ANGPT1: variants seen among roughly 807,000 people sequenced by gnomAD.
ANGPT1 encodes angiopoietin-1.
In ANGPT1, 17 loss-of-function variants were observed where a neutral mutation model predicts 62.2. The ratio of observed to expected loss-of-function variants is 0.27; its 90% CI spans 0.19 to 0.41. The LOEUF is 0.41. Ranked by LOEUF, ANGPT1 falls within the 10% of genes least tolerant of loss-of-function variation. The pLI, the probability that ANGPT1 is intolerant of heterozygous loss-of-function variation, is 1.00. For synonymous variants in ANGPT1, 199 were observed against 198.9 expected, an observed-to-expected ratio of 1.00 and a Z score of 0.00; for missense variants, 478 against 594.9, an observed-to-expected ratio of 0.80 and a Z score of 2.04.
At chr8:107,497,209 G>A in intron 1 of ANGPT1, 53 bp downstream of exon 1, 1 of 1,573,720 alleles carries the variant, frequency 6.4e-7, no homozygotes, top group South Asian at 1.2e-5. Context: ...GTTAGCTGCA[G>A]TGCAAGAAAG....
chr8:107,289,016 T>G (rs1052025659), intron 6 of ANGPT1, among the ~76,000 whole-genome samples: 4 of 152,144 alleles, frequency 2.6e-5, no homozygotes, highest in Non-Finnish European at 5.9e-5. Context: ...TACAATACAA[T>G]TTCCTCTTTT....
chr8:107,343,292 G>A (rs1815735447), intron 2 of ANGPT1, among the ~76,000 whole-genome samples: 1 of 152,188 alleles, frequency 6.6e-6, no homozygotes, highest in African/African-American at 2.4e-5. Flanking sequence ...AGGAGGTTTG[G>A]AGAGGCTTCA....
intron 1 of ANGPT1, among the ~76,000 whole-genome samples, chr8:107,475,477 A>G (rs1247122879): frequency 6.6e-6 from 1 of 152,212 alleles, no homozygotes; most frequent in East Asian, 1.9e-4. Context: ...TAAAACCATA[A>G]AAACCCTAGA....
chr8:107,369,542 C>T (rs1816339088), intron 1 of ANGPT1, among the ~76,000 whole-genome samples: 1 of 152,216 alleles, frequency 6.6e-6, no homozygotes, highest in African/African-American at 2.4e-5. Context: ...AGCTCTCAGC[C>T]TGTCTTGGTT....
chr8:107,394,484 G>A (rs1816896536), intron 1 of ANGPT1, among the ~76,000 whole-genome samples: 1 of 152,108 alleles, frequency 6.6e-6, no homozygotes, highest in South Asian at 2.1e-4. Flanking sequence ...CAGATTTAAT[G>A]TTATCAGAGT....
intron 1 of ANGPT1, chr8:107,495,018 C>G (rs189416973): frequency 2.0e-5 from 3 of 152,074 alleles, no homozygotes; most frequent in African/African-American, 7.2e-5. Flanking sequence ...CTGAGCATAC[C>G]AAATGGTTAC....
chr8:107,401,419 A>G (rs1817046348), intron 1 of ANGPT1, among the ~76,000 whole-genome samples: 1 of 152,226 alleles, frequency 6.6e-6, no homozygotes, highest in Non-Finnish European at 1.5e-5. Flanking sequence ...TGAGTTAATC[A>G]AAGAACCACT....
intron 1 of ANGPT1, among the ~76,000 whole-genome samples, chr8:107,449,203 T>C (rs1288726148): frequency 1.3e-5 from 2 of 152,150 alleles, no homozygotes; most frequent in African/African-American, 4.8e-5. Flanking sequence ...TTGTTCTTGA[T>C]GCTGTAATAG....
intron 7 of ANGPT1, chr8:107,284,024 T>C (rs1312816174): frequency 1.3e-5 from 2 of 152,190 alleles, no homozygotes; most frequent in Non-Finnish European, 1.5e-5. Context: ...TTTTTGTGTG[T>C]TTATTTTTCC....
chr8:107,421,616 G>A (rs1464542942), intron 1 of ANGPT1, among the ~76,000 whole-genome samples: 1 of 152,182 alleles, frequency 6.6e-6, no homozygotes, highest in Non-Finnish European at 1.5e-5. Flanking sequence ...GGTAAGGTTA[G>A]CATCTGTCAA....
intron 3 of ANGPT1, among the ~76,000 whole-genome samples, chr8:107,333,477 A>G (rs1815473150): frequency 6.6e-6 from 1 of 152,204 alleles, no homozygotes; most frequent in Non-Finnish European, 1.5e-5. Context: ...ATTTGTAGTG[A>G]AATACCTATA....
chr8:107,484,451 G>T (rs753469451), intron 1 of ANGPT1, among the ~76,000 whole-genome samples: 1 of 151,982 alleles, frequency 6.6e-6, no homozygotes, highest in Non-Finnish European at 1.5e-5. Context: ...ACCCAGACTG[G>T]AGTGCAGTGC....
At chr8:107,384,813 G>A (rs969546364) in intron 1 of ANGPT1, among the ~76,000 whole-genome samples, 1 of 152,006 alleles carries the variant, frequency 6.6e-6, no homozygotes, top group Non-Finnish European at 1.5e-5. Flanking sequence ...GAAAGGTGGG[G>A]GTCTAGTTTC....
At chr8:107,466,371 A>G (rs963797584) in intron 1 of ANGPT1, among the ~76,000 whole-genome samples, 1 of 152,016 alleles carries the variant, frequency 6.6e-6, no homozygotes, top group African/African-American at 2.4e-5. Context: ...CTCCACAGAG[A>G]TGGACAACCT....
In ANGPT1 at chr8:107,497,498, T is replaced by A. The variant is rs376191976; in HGVS notation, c.61A>T (p.Asn21Tyr). 4 of 1,614,024 alleles carry A rather than the reference T, an allele frequency of 2.5e-6. No homozygotes were observed. The African/African-American group carries it at 5.3e-5, about 22-fold the overall frequency. Residue 21 changes from asparagine (N) to tyrosine (Y), a missense_variant, in exon 1 of 9, where the codon AAT becomes TAT. Transcript: ENST00000517746. ...AAILTHIGCS[N>Y]QRRSPENSGR... ...CTGTTTTCTGGACTTCGGCGCTGATTGCTGCACCCTATGTGAGTCAGAATG... is the reference window on the plus strand; with the variant it reads ...CTGTTTTCTGGACTTCGGCGCTGATAGCTGCACCCTATGTGAGTCAGAATG...
At chr8:107,441,707 T>G (rs1377339648) in intron 1 of ANGPT1, among the ~76,000 whole-genome samples, 1 of 152,192 alleles carries the variant, frequency 6.6e-6, no homozygotes, top group African/African-American at 2.4e-5. Flanking sequence ...TTGTGATGAC[T>G]AAATGAGATT....
chr8:107,496,406 C>A (rs1469559095), intron 1 of ANGPT1, among the ~76,000 whole-genome samples: 1 of 152,172 alleles, frequency 6.6e-6, no homozygotes, highest in East Asian at 1.9e-4. Flanking sequence ...GATTTGATTT[C>A]TATAAATTGA....
chr8:107,441,627 A>G (rs1811477765), intron 1 of ANGPT1, among the ~76,000 whole-genome samples: 1 of 152,208 alleles, frequency 6.6e-6, no homozygotes, highest in Non-Finnish European at 1.5e-5. Flanking sequence ...TAAACAATTT[A>G]TTCAATCTCC....
Position 107,264,365 on chromosome 8 carries a change from GA to G in ANGPT1, c.1206-15del, listed in dbSNP as rs765718937. The G allele has an allele frequency of 2.7e-5, 44 of 1,601,940 alleles. No homozygotes were observed. Among genetic ancestry groups the G allele is most frequent in the Admixed American group, 1.2e-4 (7 of 56,992 alleles). Reference sequence around the variant, plus strand: ...TTTAAATACAACCTGAAGTCAAAAAGAAAAAAAAGAAAGATAAGCCATTCGA... The same window carrying G: ...TTTAAATACAACCTGAAGTCAAAAAGAAAAAAAGAAAGATAAGCCATTCGA... On this transcript the variant is annotated splice_polypyrimidine_tract_variant and intron_variant, in intron 7 of 8. Transcript: ENST00000517746.
Sources: gnomAD v4.1 joint callset for allele counts (sites outside exome capture counted in the v4.1 genomes callset) on GRCh38, gnomAD v4.1.1 for gene constraint, MANE v1.5 for transcripts, NCBI Gene and HGNC (gene_info 2026-07-23, HGNC 2026-07-21) for gene names.